The following MACROD2 variants were observed in gnomAD, a reference collection of about 807,000 sequenced individuals.
MACROD2 encodes the protein ADP-ribose glycohydrolase MACROD2.
Under a neutral mutation model 70.4 loss-of-function variants are expected in MACROD2, and 36 were observed. The ratio of observed to expected loss-of-function variants is 0.51; its 90% CI spans 0.39 to 0.68. The LOEUF (loss-of-function observed/expected upper bound fraction) is 0.68, where lower values mean the gene tolerates loss of function less well. Among genes scored for constraint, MACROD2 ranks in the 30% least tolerant of loss-of-function variants. MACROD2 has a pLI of 0.00. For missense variants in MACROD2, 496 were observed against 538.4 expected, an observed-to-expected ratio of 0.92 and a Z score of 0.78; for synonymous variants, 172 against 178.8, an observed-to-expected ratio of 0.96 and a Z score of 0.30.
chr20:14,841,682 A>G (rs1430550865), intron 5 of MACROD2, among the ~76,000 whole-genome samples: 1 of 152,132 alleles, frequency 6.6e-6, no homozygotes, highest in African/African-American at 2.4e-5. Flanking sequence ...ACTGCAAAAC[A>G]ATGTTGTAAA....
At chr20:15,197,933 G>A (rs768815630) in intron 5 of MACROD2, among the ~76,000 whole-genome samples, 75 of 142,334 alleles carry the variant, frequency 5.3e-4, no homozygotes, top group Non-Finnish European at 9.5e-4. Flanking sequence ...CTGGACTCAA[G>A]CAATTTTCCT....
chr20:15,234,302 G>A (rs1176083512), intron 6 of MACROD2, among the ~76,000 whole-genome samples: 1 of 151,092 alleles, frequency 6.6e-6, no homozygotes, highest in South Asian at 2.1e-4. Context: ...AAAGTGCTGG[G>A]ATTACAAGCG....
At chr20:15,069,714 G>A (rs1195069220) in intron 5 of MACROD2, among the ~76,000 whole-genome samples, 1 of 152,264 alleles carries the variant, frequency 6.6e-6, no homozygotes, top group East Asian at 1.9e-4. Flanking sequence ...AAGTCTGCAA[G>A]CATGCAGAAT....
intron 3 of MACROD2, among the ~76,000 whole-genome samples, chr20:14,468,858 A>C (rs1445029788): frequency 6.6e-6 from 1 of 152,092 alleles, no homozygotes; most frequent in South Asian, 2.1e-4. Flanking sequence ...TCCTGAATAC[A>C]GCACCCCGAT....
In MACROD2 at chr20:15,079,502, A is replaced by T. The variant is rs1365667206; in HGVS notation, c.419-150438A>T. 2.0e-5 allele frequency among the ~76,000 whole-genome samples: 3 copies of T among 152,068 alleles called. No individual in the cohort carries two copies. The East Asian group carries it at 5.8e-4, about 29-fold the overall frequency. On this transcript the variant is annotated intron_variant, in intron 5 of 17. Transcript: ENST00000684519. ...TTTGACTACTACTTCTTATCTTTGC[A>T]GCTCCTTCCCTGAATCCAAGAAGCC... is the stretch of plus-strand genomic sequence containing the variant.
In MACROD2 at chr20:14,668,799, T is replaced by G. The variant is rs75153660; in HGVS notation, c.302-16044T>G. Among the ~76,000 whole-genome samples the G allele has an allele frequency of 5.5e-3, 841 of 152,188 alleles. 8 individuals are homozygous for G. Among genetic ancestry groups the G allele is most frequent in the African/African-American group, 0.019 (787 of 41,516 alleles). On this transcript the variant is annotated intron_variant, in intron 4 of 17. Transcript: ENST00000684519. ...TTTTCATGCACATTTCCATGAAAAT[T>G]TAGAAGTTATGAGGGCAAAATCTTC...
intron 13 of MACROD2, among the ~76,000 whole-genome samples, chr20:15,984,130 T>TA (rs2066442966): frequency 1.2e-5 from 1 of 86,678 alleles, no homozygotes; most frequent in African/African-American, 3.3e-5. Context: ...TTTAACTTTT[T>TA]ATAATTTTTG....
At chr20:15,901,370 A>C (rs62194162) in intron 10 of MACROD2, among the ~76,000 whole-genome samples, 1 of 152,154 alleles carries the variant, frequency 6.6e-6, no homozygotes, top group African/African-American at 2.4e-5. Flanking sequence ...ATAGGCATTC[A>C]GTAGAAATCT....
At chr20:15,030,831 A>G (rs1036418255) in intron 5 of MACROD2, among the ~76,000 whole-genome samples, 2 of 152,148 alleles carry the variant, frequency 1.3e-5, no homozygotes, top group African/African-American at 4.8e-5. Flanking sequence ...GCAGTTCATG[A>G]TCTTCATCCC....
At chr20:14,652,261 C>T (rs1272340456) in intron 4 of MACROD2, among the ~76,000 whole-genome samples, 1 of 152,106 alleles carries the variant, frequency 6.6e-6, no homozygotes, top group Non-Finnish European at 1.5e-5. Context: ...TTTCAGTGTT[C>T]TGGTATTAAC....
chr20:14,182,290 T>C (rs867390324), intron 3 of MACROD2, among the ~76,000 whole-genome samples: 5 of 152,358 alleles, frequency 3.3e-5, no homozygotes, highest in African/African-American at 7.2e-5. Flanking sequence ...TGGAGAAATG[T>C]CTATTCAAAT....
At chr20:15,649,493 C>A (rs977949144) in intron 8 of MACROD2, among the ~76,000 whole-genome samples, 13 of 151,992 alleles carry the variant, frequency 8.6e-5, no homozygotes, top group African/African-American at 3.1e-4. Context: ...TGCAGTTGTT[C>A]CAAATCTCAT....
chr20:15,560,520 G>T (rs1294185876), intron 8 of MACROD2, among the ~76,000 whole-genome samples: 1 of 152,014 alleles, frequency 6.6e-6, no homozygotes, highest in African/African-American at 2.4e-5. Context: ...CCCAGCATTT[G>T]AGAGGCTGAG....
intron 5 of MACROD2, among the ~76,000 whole-genome samples, chr20:14,926,560 G>A (rs866777402): frequency 7.6e-5 from 11 of 143,946 alleles, no homozygotes; most frequent in African/African-American, 2.0e-4. Context: ...AAAAAAAAAA[G>A]GAAGCATTAT....
chr20:15,349,358 A>G (rs2078201917), intron 6 of MACROD2, among the ~76,000 whole-genome samples: 1 of 152,164 alleles, frequency 6.6e-6, no homozygotes, highest in Non-Finnish European at 1.5e-5. Flanking sequence ...TACCTAGGTA[A>G]GCTGGCACAC....
chr20:14,183,936 G>A (rs998545542), intron 3 of MACROD2, among the ~76,000 whole-genome samples: 1 of 152,082 alleles, frequency 6.6e-6, no homozygotes, highest in Non-Finnish European at 1.5e-5. Context: ...CTGGATATTA[G>A]ACCTTTGTCA....
chr20:14,397,430 A>G (rs1043865229), intron 3 of MACROD2, among the ~76,000 whole-genome samples: 7 of 152,226 alleles, frequency 4.6e-5, no homozygotes, highest in African/African-American at 1.7e-4. Flanking sequence ...ATCCCAGTCT[A>G]CTGTTCAAAA....
chr20:14,087,766 A>G (rs2054096715), intron 3 of MACROD2, among the ~76,000 whole-genome samples: 1 of 152,210 alleles, frequency 6.6e-6, no homozygotes, highest in African/African-American at 2.4e-5. Context: ...TGTAGTTTTA[A>G]TAAGATATCA....
At chr20:14,452,628 G>A (rs922529763) in intron 3 of MACROD2, among the ~76,000 whole-genome samples, 2 of 152,086 alleles carry the variant, frequency 1.3e-5, no homozygotes, top group African/African-American at 4.8e-5. Flanking sequence ...ATTATTTCCG[G>A]ATTTGTTTGT....
Sources: gnomAD v4.1 joint callset for allele counts (sites outside exome capture counted in the v4.1 genomes callset) on GRCh38, gnomAD v4.1.1 for gene constraint, MANE v1.5 for transcripts, NCBI Gene and HGNC (gene_info 2026-07-23, HGNC 2026-07-21) for gene names.